DHX35: variants seen among roughly 807,000 people sequenced by gnomAD.
DHX35 encodes probable ATP-dependent RNA helicase DHX35.
Under a neutral mutation model 99.6 loss-of-function variants are expected in DHX35, and 84 were observed. The observed-to-expected ratio is 0.84, with a 90% CI of 0.71 to 1.01. The LOEUF is 1.01. Ranked by LOEUF, DHX35 falls within the 50% of genes least tolerant of loss-of-function variation. The pLI is 0.00. For synonymous variants in DHX35, 331 were observed against 316.2 expected, an observed-to-expected ratio of 1.05 and a Z score of -0.50; for missense variants, 852 against 888.5, an observed-to-expected ratio of 0.96 and a Z score of 0.52.
Position 39,038,920 on chromosome 20 carries a change from G to T in DHX35, c.*377G>T. On this transcript the variant is annotated 3_prime_UTR_variant, in exon 22 of 22. Transcript: ENST00000252011. Reference sequence around the variant, plus strand: ...AAACACCATGTGGGGTGGACAGAGGGTTTGCTGGGCTGGCTTTGCTTTCCC... The same window carrying T: ...AAACACCATGTGGGGTGGACAGAGGTTTTGCTGGGCTGGCTTTGCTTTCCC... 3.7e-6 allele frequency: 1 copy of T among 269,330 alleles called. No homozygotes were observed. Among genetic ancestry groups the T allele is most frequent in the Non-Finnish European group, 7.1e-6 (1 of 141,224 alleles). 16.7% of individuals were successfully genotyped at this position (269,330 alleles called of 1,614,324 possible). A position where few individuals can be genotyped will look rare whatever the true frequency, so the allele number is the denominator to read the frequency against.
chr20:39,035,076 A>G (rs542849616), intron 21 of DHX35, among the ~76,000 whole-genome samples: 1 of 144,906 alleles, frequency 6.9e-6, no homozygotes, highest in African/African-American at 2.6e-5. Flanking sequence ...TTTTATTTTT[A>G]TTTATTTATT....
At chr20:39,016,419 C>G (rs765496557) in intron 14 of DHX35, among the ~76,000 whole-genome samples, 1 of 152,184 alleles carries the variant, frequency 6.6e-6, no homozygotes, top group Non-Finnish European at 1.5e-5. Context: ...CAGCTTCTTT[C>G]ATTTAGTATC....
chr20:38,971,828 A>G (rs1601363015), intron 2 of DHX35, among the ~76,000 whole-genome samples: 1 of 152,024 alleles, frequency 6.6e-6, no homozygotes, highest in African/African-American at 2.4e-5. Flanking sequence ...AAATTATTCC[A>G]TTATTGGAAT....
intron 1 of DHX35, among the ~76,000 whole-genome samples, chr20:38,968,587 G>A (rs1043368488): frequency 2.6e-5 from 4 of 151,784 alleles, no homozygotes; most frequent in Admixed American, 1.3e-4. Context: ...TTGCTCTGTC[G>A]CCCAGGCTGG....
intron 2 of DHX35, among the ~76,000 whole-genome samples, chr20:38,971,089 C>A (rs924091503): frequency 1.6e-4 from 25 of 152,234 alleles, no homozygotes; most frequent in African/African-American, 5.8e-4. Context: ...TGGTGGCTTA[C>A]GGCTGTAATC....
At chr20:39,006,404 T>G (rs1293746132) in intron 12 of DHX35, 48 bp downstream of exon 12, 5 of 1,592,944 alleles carry the variant, frequency 3.1e-6, no homozygotes, top group Non-Finnish European at 4.3e-6. Context: ...ATAGTCAGCC[T>G]GGGCAACAGA....
chr20:39,026,534 C>T (rs1005226201), intron 18 of DHX35, among the ~76,000 whole-genome samples: 8 of 152,118 alleles, frequency 5.3e-5, no homozygotes, highest in Admixed American at 2.0e-4. Flanking sequence ...TCATAGAAGA[C>T]GTGCTGGCAG....
chr20:39,021,513 T>C (rs1432988354), intron 15 of DHX35, among the ~76,000 whole-genome samples: 1 of 152,200 alleles, frequency 6.6e-6, no homozygotes, highest in Non-Finnish European at 1.5e-5. Flanking sequence ...TTTATTTTTC[T>C]GAGAGAGGGT....
intron 8 of DHX35, among the ~76,000 whole-genome samples, chr20:38,995,237 C>T (rs190513103): frequency 3.9e-5 from 6 of 152,188 alleles, no homozygotes; most frequent in African/African-American, 1.4e-4. Context: ...ATTGAAGTTT[C>T]TCCTGGGCTG....
chr20:39,022,060 G>T, intron 16 of DHX35, 125 bp downstream of exon 16: 1 of 870,088 alleles, frequency 1.1e-6, no homozygotes, highest in Non-Finnish European at 1.8e-6. Flanking sequence ...CATGTTTTGA[G>T]TGTTTATTCC....
intron 18 of DHX35, among the ~76,000 whole-genome samples, chr20:39,026,077 G>A (rs958775583): frequency 1.3e-5 from 2 of 152,132 alleles, no homozygotes; most frequent in African/African-American, 4.8e-5. Flanking sequence ...TGACACACCC[G>A]CCTCAGCAGT....
chr20:38,985,818 A>G (rs1466756330), intron 4 of DHX35, among the ~76,000 whole-genome samples: 2 of 152,260 alleles, frequency 1.3e-5, no homozygotes, highest in African/African-American at 2.4e-5. Flanking sequence ...AGCAAAGAGC[A>G]TGTAATATAT....
At chr20:38,999,431 T>C (rs1028966798) in intron 8 of DHX35, among the ~76,000 whole-genome samples, 13 of 152,132 alleles carry the variant, frequency 8.5e-5, no homozygotes, top group African/African-American at 2.9e-4. Flanking sequence ...GACTGTGTGC[T>C]TGCACACCAG....
chr20:38,987,200 C>T (rs1377405238), intron 4 of DHX35, among the ~76,000 whole-genome samples: 1 of 152,142 alleles, frequency 6.6e-6, no homozygotes, highest in Non-Finnish European at 1.5e-5. Flanking sequence ...TGGTTCTTTT[C>T]ATTTAGGTAG....
chr20:39,014,520 C>A (rs113442765), intron 13 of DHX35, among the ~76,000 whole-genome samples: 4 of 152,244 alleles, frequency 2.6e-5, no homozygotes, highest in African/African-American at 9.6e-5. Context: ...TGTCCTGGGG[C>A]CCCGGTGTGG....
intron 3 of DHX35, among the ~76,000 whole-genome samples, chr20:38,979,469 T>C (rs1481470247): frequency 6.6e-6 from 1 of 152,206 alleles, no homozygotes; most frequent in Admixed American, 6.5e-5. Flanking sequence ...AAGGAATAAA[T>C]GGTGAAAAGT....
rs75312265 is a variant in DHX35 at position 38,999,338 on chromosome 20, C to G, written c.643-2392C>G. Among the ~76,000 whole-genome samples, 1,203 of 152,190 alleles carry G rather than the reference C, an allele frequency of 7.9e-3. 18 individuals are homozygous for G. The highest frequency in any genetic ancestry group is 0.025 in the African/African-American group (1,057 of 41,532). On this transcript the variant is annotated intron_variant, in intron 8 of 21. Coordinates refer to ENST00000252011, the MANE Select transcript of DHX35 (RefSeq NM_021931.4). Reference sequence around the variant, plus strand: ...TCCTTGTTGGCTTCCTCTTGGGCCCCTTCTCTGTCTGCTCTTCCTTCTCAA... The same window carrying G: ...TCCTTGTTGGCTTCCTCTTGGGCCCGTTCTCTGTCTGCTCTTCCTTCTCAA...
At chr20:39,001,866 A>T (rs746742396) in intron 9 of DHX35, 24 bp downstream of exon 9, 1 of 1,554,842 alleles carries the variant, frequency 6.4e-7, no homozygotes, top group African/African-American at 1.4e-5. Flanking sequence ...TGAATTCTGG[A>T]TGATGGTGTT....
intron 3 of DHX35, among the ~76,000 whole-genome samples, chr20:38,979,915 T>C (rs1004242964): frequency 6.6e-6 from 1 of 152,036 alleles, no homozygotes; most frequent in Non-Finnish European, 1.5e-5. Context: ...CAATTTTTAT[T>C]AGTACTGTTA....
Sources: allele counts gnomAD v4.1 joint callset (sites outside exome capture counted in the v4.1 genomes callset), GRCh38; gene constraint gnomAD v4.1.1; transcripts MANE v1.5; gene names NCBI Gene and HGNC (gene_info 2026-07-23, HGNC 2026-07-21).